The following RBFOX1 variants were observed in gnomAD, a reference collection of about 807,000 sequenced individuals.
The protein encoded by RBFOX1 is RNA binding protein fox-1 homolog 1.
In RBFOX1, 8 loss-of-function variants were observed where a neutral mutation model predicts 57.7. The observed-to-expected ratio is 0.14, with a 90% CI of 0.08 to 0.25. The LOEUF (loss-of-function observed/expected upper bound fraction) is 0.25. Ranked by LOEUF, RBFOX1 falls within the 10% of genes least tolerant of loss-of-function variation. The probability of loss-of-function intolerance (pLI) is 1.00; values close to 1 mark genes in which losing one functional copy is unlikely to be tolerated. For missense variants in RBFOX1, 611 were observed against 548.5 expected (o/e 1.11, Z -1.14); for synonymous variants, 326 against 222.4 (o/e 1.47, Z -4.15).
intron 1 of RBFOX1, among the ~76,000 whole-genome samples, chr16:5,457,108 A>G (rs901335161): frequency 6.6e-6 from 1 of 152,038 alleles, no homozygotes; most frequent in Non-Finnish European, 1.5e-5. Flanking sequence ...CTGTGTCCTC[A>G]CATGGTGGGG....
chr16:7,645,823 A>G (rs2063630769), intron 11 of RBFOX1, among the ~76,000 whole-genome samples: 1 of 152,204 alleles, frequency 6.6e-6, no homozygotes, highest in Non-Finnish European at 1.5e-5. Context: ...GTCAATCCCA[A>G]ATGTGTGTTT....
At chr16:7,210,304 A>T (rs922058675) in intron 4 of RBFOX1, among the ~76,000 whole-genome samples, 3 of 151,848 alleles carry the variant, frequency 2.0e-5, no homozygotes, top group Non-Finnish European at 4.4e-5. Flanking sequence ...GGCCATCAGG[A>T]AGAGTATGTT....
intron 1 of RBFOX1, among the ~76,000 whole-genome samples, chr16:5,394,840 A>G (rs1368762725): frequency 1.3e-5 from 2 of 152,056 alleles, no homozygotes; most frequent in Admixed American, 6.5e-5. Context: ...TTGAGCCGCT[A>G]TGCCTGGCCT....
intron 3 of RBFOX1, among the ~76,000 whole-genome samples, chr16:5,831,888 G>C (rs1466697498): frequency 6.6e-6 from 1 of 152,162 alleles, no homozygotes; most frequent in East Asian, 1.9e-4. Flanking sequence ...CCCATGCTTG[G>C]ATCTTGGTCA....
chr16:6,978,405 T>A (rs1188409048), intron 3 of RBFOX1, among the ~76,000 whole-genome samples: 1 of 152,172 alleles, frequency 6.6e-6, no homozygotes, highest in Non-Finnish European at 1.5e-5. Flanking sequence ...GACAGCTACC[T>A]CACCGAACAC....
chr16:6,968,847 C>T (rs1182618126), intron 3 of RBFOX1, among the ~76,000 whole-genome samples: 3 of 150,890 alleles, frequency 2.0e-5, no homozygotes, highest in Non-Finnish European at 1.5e-5. Context: ...AGAAAACCTG[C>T]AGGTCTTCTG....
intron 4 of RBFOX1, among the ~76,000 whole-genome samples, chr16:7,191,702 A>G (rs2085432331): frequency 6.6e-6 from 1 of 152,272 alleles, no homozygotes; most frequent in Non-Finnish European, 1.5e-5. Context: ...TACTGTCTTC[A>G]GTTGTTTTAA....
chr16:6,162,269 C>G (rs2096885318), intron 1 of RBFOX1, among the ~76,000 whole-genome samples: 1 of 152,152 alleles, frequency 6.6e-6, no homozygotes, highest in African/African-American at 2.4e-5. Flanking sequence ...AGGCACACCA[C>G]TACATCCATG....
intron 4 of RBFOX1, among the ~76,000 whole-genome samples, chr16:7,257,660 T>C (rs2094748915): frequency 6.6e-6 from 1 of 152,180 alleles, no homozygotes; most frequent in Non-Finnish European, 1.5e-5. Context: ...CCCTCCTCTG[T>C]AGCCATCCTT....
chr16:7,083,409 G>A (rs1218828128), intron 4 of RBFOX1, among the ~76,000 whole-genome samples: 2 of 148,800 alleles, frequency 1.3e-5, no homozygotes, highest in South Asian at 2.1e-4. Flanking sequence ...GAGGCAGGAA[G>A]AGCATAACCA....
At chr16:5,240,056 G>T (rs1449988496) in exon 1 of RBFOX1, 3 of 1,532,010 alleles carry the variant, frequency 2.0e-6, no homozygotes, top group African/African-American at 2.8e-5. Context: ...GACGCGCCGC[G>T]GCCGGGCAGG....
intron 4 of RBFOX1, among the ~76,000 whole-genome samples, chr16:7,357,803 C>G (rs1041830265): frequency 6.6e-6 from 1 of 152,212 alleles, no homozygotes; most frequent in Non-Finnish European, 1.5e-5. Flanking sequence ...TTCAGCATTG[C>G]TCCTTCTCCC....
chr16:6,002,099 G>T (rs2060611198), intron 4 of RBFOX1, among the ~76,000 whole-genome samples: 2 of 151,478 alleles, frequency 1.3e-5, no homozygotes, highest in South Asian at 4.2e-4. Context: ...AGCCTCCCCA[G>T]TAGCTGGGAC....
intron 2 of RBFOX1, among the ~76,000 whole-genome samples, chr16:6,598,961 C>G (rs1371522032): frequency 6.6e-6 from 1 of 151,048 alleles, no homozygotes; most frequent in African/African-American, 2.5e-5. Context: ...CAAAACAAAA[C>G]AAAACAAACT....
At chr16:6,238,090 CAAAAAA>C (rs368995420) in intron 1 of RBFOX1, among the ~76,000 whole-genome samples, 1 of 66,086 alleles carries the variant, frequency 1.5e-5, no homozygotes, top group Non-Finnish European at 3.1e-5. Context: ...GACTCTGTCT[CAAAAAA>C]AAAAAAAAAA....
intron 4 of RBFOX1, among the ~76,000 whole-genome samples, chr16:7,103,971 C>G (rs1243128810): frequency 6.6e-6 from 1 of 152,170 alleles, no homozygotes; most frequent in Non-Finnish European, 1.5e-5. Flanking sequence ...TTGGTTTACA[C>G]AACTTGCTCC....
At chr16:5,470,938 G>T (rs1292598936) in intron 2 of RBFOX1, among the ~76,000 whole-genome samples, 1 of 152,038 alleles carries the variant, frequency 6.6e-6, no homozygotes, top group Non-Finnish European at 1.5e-5. Context: ...TGCAACTTCC[G>T]CATCCTGGGT....
Position 5,297,269 on chromosome 16 carries a change from G to A in RBFOX1, c.219+57164G>A, listed in dbSNP as rs138902720. ...CTGACTTCAGCTTCTTCACCCAGAT[G>A]TGTGACTGCTGGATCATATGGTAGT... On this transcript the variant is annotated intron_variant, in intron 1 of 2. Transcript: ENST00000585867. Among the ~76,000 whole-genome samples the A allele has an allele frequency of 7.2e-4, 110 of 152,328 alleles. No homozygotes were observed. The East Asian group carries it at 9.8e-3, about 14-fold the overall frequency.
At chr16:6,653,488 G>C (rs950642522) in intron 2 of RBFOX1, among the ~76,000 whole-genome samples, 1 of 152,128 alleles carries the variant, frequency 6.6e-6, no homozygotes, top group Non-Finnish European at 1.5e-5. Flanking sequence ...CTGTCATTTT[G>C]TCTAATTAAT....
Sources: gnomAD v4.1 joint callset for allele counts (sites outside exome capture counted in the v4.1 genomes callset) on GRCh38, gnomAD v4.1.1 for gene constraint, MANE v1.5 for transcripts, NCBI Gene and HGNC (gene_info 2026-07-23, HGNC 2026-07-21) for gene names.